Variants in FRAS1 observed in about 807,000 individuals in gnomAD.
The protein encoded by FRAS1 is extracellular matrix organizing protein FRAS1.
Under a neutral mutation model 435.2 loss-of-function variants are expected in FRAS1, and 290 were observed. The ratio of observed to expected loss-of-function variants is 0.67; its 90% CI spans 0.61 to 0.73. FRAS1 has a LOEUF of 0.73. FRAS1 is among the 30% of genes least tolerant of loss of function. FRAS1 has a pLI of 0.00. For synonymous variants in FRAS1, 1,800 were observed against 1,851.0 expected (o/e 0.97, Z 0.71); for missense variants, 4,860 against 5,001.5 (o/e 0.97, Z 0.85).
At chr4:78,419,964 C>A (rs1733707734) in intron 33 of FRAS1, among the ~76,000 whole-genome samples, 1 of 152,196 alleles carries the variant, frequency 6.6e-6, no homozygotes, top group Non-Finnish European at 1.5e-5. Context: ...TTAGAGACTG[C>A]ACCTGTGATC....
chr4:78,288,984 A>G (rs373505979), intron 14 of FRAS1, among the ~76,000 whole-genome samples: 1 of 152,316 alleles, frequency 6.6e-6, no homozygotes, highest in South Asian at 2.1e-4. Context: ...TGGCAGGGTC[A>G]TTTATGTGAT....
At position 78,059,054 on chromosome 4, in the gene FRAS1, T is replaced by C. The variant is rs919237786; in HGVS notation, c.76+969T>C. ...CTTCCCCTCCCGGCTCCATTCATTATTCATCCAGCTGCGGGAAGAAGAGTT... is the reference window on the plus strand; with the variant it reads ...CTTCCCCTCCCGGCTCCATTCATTACTCATCCAGCTGCGGGAAGAAGAGTT... On this transcript the variant is annotated intron_variant, in intron 1 of 73. Transcript: ENST00000512123. Among the ~76,000 whole-genome samples the C allele has an allele frequency of 3.9e-5, 6 of 152,188 alleles. No individual in the cohort carries two copies. The East Asian group carries it at 1.2e-3, about 29-fold the overall frequency.
intron 22 of FRAS1, among the ~76,000 whole-genome samples, chr4:78,367,569 G>C (rs1006005560): frequency 6.6e-6 from 1 of 152,150 alleles, no homozygotes; most frequent in Admixed American, 6.5e-5. Flanking sequence ...AAGAGGACCA[G>C]CTGACCCTTA....
At chr4:78,257,056 T>C (rs1399708020) in intron 6 of FRAS1, among the ~76,000 whole-genome samples, 1 of 152,152 alleles carries the variant, frequency 6.6e-6, no homozygotes, top group Non-Finnish European at 1.5e-5. Flanking sequence ...GGGTGTTTAC[T>C]ATGTGTCAGC....
intron 47 of FRAS1, among the ~76,000 whole-genome samples, chr4:78,454,920 C>T (rs559355835): frequency 1.3e-5 from 2 of 152,320 alleles, no homozygotes; most frequent in African/African-American, 4.8e-5. Flanking sequence ...CATGCTTCTC[C>T]CTCCTCCTGG....
intron 2 of FRAS1, among the ~76,000 whole-genome samples, chr4:78,076,408 C>T (rs1024543640): frequency 2.0e-5 from 3 of 152,118 alleles, no homozygotes; most frequent in Non-Finnish European, 4.4e-5. Flanking sequence ...CTGGTGAGCA[C>T]TTCTCACAAT....
chr4:78,283,042 C>A, intron 12 of FRAS1, 75 bp downstream of exon 12: 1 of 1,155,008 alleles, frequency 8.7e-7, no homozygotes, highest in Non-Finnish European at 1.1e-6. Context: ...TTCCCCACCC[C>A]CTTGCTTCTT....
intron 2 of FRAS1, among the ~76,000 whole-genome samples, chr4:78,221,537 G>T (rs1355791488): frequency 6.6e-6 from 1 of 152,186 alleles, no homozygotes; most frequent in Admixed American, 6.5e-5. Flanking sequence ...AAATAAACCA[G>T]TTGGTATGCC....
At chr4:78,452,568 A>G (rs1240048182) in intron 47 of FRAS1, among the ~76,000 whole-genome samples, 1 of 152,256 alleles carries the variant, frequency 6.6e-6, no homozygotes, top group Non-Finnish European at 1.5e-5. Context: ...TAAAAGTTAC[A>G]TGTAAAATTT....
rs770091700 is a variant in FRAS1 at position 78,511,356 on chromosome 4, C to T, written c.9863C>T (p.Thr3288Ile). 43 of 1,613,814 alleles carry T rather than the reference C, an allele frequency of 2.7e-5. No homozygotes were observed. The highest frequency in any genetic ancestry group is 3.5e-5 in the Non-Finnish European group (41 of 1,179,788). Residue 3288 changes from threonine (T) to isoleucine (I), a missense_variant, in exon 64 of 74, where the codon ACC becomes ATC. By Grantham distance (89) the Thr-to-Ile change is moderately conservative. Coordinates refer to ENST00000512123, the MANE Select transcript of FRAS1 (RefSeq NM_025074.7). The stretch of plus-strand genomic sequence containing the variant: ...GTGGACAAGGTGGGCCATGTGGGGA[C>T]CCCCTTAAGGAGCAACATTGTTACC... ...KAVDKVGHVG[T>I]PLRSNIVTIG...
Position 78,333,350 on chromosome 4 carries a change from T to C in FRAS1, c.2216T>C (p.Leu739Ser). 1 of 1,612,534 alleles carries C rather than the reference T, an allele frequency of 6.2e-7. No individual in the cohort carries two copies. The highest frequency in any genetic ancestry group is 8.5e-7 in the Non-Finnish European group (1 of 1,179,354). Residue 739 changes from leucine to serine, a missense_variant, in exon 19 of 74, where the codon TTG becomes TCG. Coordinates refer to ENST00000512123, the MANE Select transcript of FRAS1 (RefSeq NM_025074.7). ...GACTGTGGGCCTTCCCATGTGCTGTTGGATGGGCAGTGCCTCTCCCAGTGC... is the reference window on the plus strand; with the variant it reads ...GACTGTGGGCCTTCCCATGTGCTGTCGGATGGGCAGTGCCTCTCCCAGTGC... Reference protein sequence around the residue: ...CTDCGPSHVLLDGQCLSQCPD... With the variant: ...CTDCGPSHVLSDGQCLSQCPD...
At chr4:78,376,564 G>A (rs1408033366) in intron 26 of FRAS1, among the ~76,000 whole-genome samples, 2 of 152,090 alleles carry the variant, frequency 1.3e-5, no homozygotes, top group Non-Finnish European at 2.9e-5. Flanking sequence ...TTATGTCAAA[G>A]TGCAGTGGTA....
At chr4:78,252,625 A>G in intron 5 of FRAS1, 74 bp downstream of exon 5, 1 of 1,347,226 alleles carries the variant, frequency 7.4e-7, no homozygotes, top group Non-Finnish European at 1.0e-6. Context: ...ACCAGCCCTC[A>G]ATATTTCAAC....
chr4:78,330,656 C>T (rs1729911009), intron 18 of FRAS1, among the ~76,000 whole-genome samples: 1 of 152,166 alleles, frequency 6.6e-6, no homozygotes, highest in Non-Finnish European at 1.5e-5. Flanking sequence ...GAAATAGACC[C>T]CAGTCTCCCA....
chr4:78,481,950 G>C lies in FRAS1; in HGVS notation c.8590G>C (p.Gly2864Arg). Residue 2864 changes from glycine (G) to arginine (R), a missense_variant, in exon 57 of 74, where the codon GGT (glycine) becomes CGT (arginine). By Grantham distance (125) the Gly-to-Arg change is moderately radical (BLOSUM62 -2). Coordinates refer to ENST00000512123, the MANE Select transcript of FRAS1 (RefSeq NM_025074.7). ...CTCTCGGAAGGTGGAATTTGGGCCT[G>C]GTGTCATTGAACAGGTGCGTTTACA... ...PSSRKVEFGPGVIEQYCTLTI... is the reference protein window; with the variant it reads ...PSSRKVEFGPRVIEQYCTLTI... 2 of 1,613,768 alleles carry C rather than the reference G, an allele frequency of 1.2e-6. No homozygotes were observed. Among genetic ancestry groups the C allele is most frequent in the Non-Finnish European group, 1.7e-6 (2 of 1,179,794 alleles).
At chr4:78,445,451 GT>G in intron 41 of FRAS1, 70 bp from the exon 42 acceptor site, 1 of 1,435,616 alleles carries the variant, frequency 7.0e-7, no homozygotes, top group Middle Eastern at 1.9e-4. Context: ...ATGATACCTT[GT>G]TTTCTAGTTC....
At chr4:78,521,409 A>G in intron 67 of FRAS1, 114 bp from the exon 68 acceptor site, 1 of 651,964 alleles carries the variant, frequency 1.5e-6, no homozygotes, top group Non-Finnish European at 2.7e-6. Context: ...ATCTTGTTAC[A>G]TTCAAATAAA....
intron 32 of FRAS1, among the ~76,000 whole-genome samples, chr4:78,415,627 T>G (rs563710891): frequency 6.6e-6 from 1 of 152,254 alleles, no homozygotes; most frequent in South Asian, 2.1e-4. Context: ...ACGACATATT[T>G]GAAGCATTAC....
chr4:78,448,450 G>C, intron 44 of FRAS1, 134 bp downstream of exon 44: 1 of 797,466 alleles, frequency 1.3e-6, no homozygotes, highest in Non-Finnish European at 1.8e-6. Context: ...GGGGAGATTG[G>C]AGTCTTGGAA....
Sources: gnomAD v4.1 joint callset for allele counts (sites outside exome capture counted in the v4.1 genomes callset) on GRCh38, gnomAD v4.1.1 for gene constraint, MANE v1.5 for transcripts, NCBI Gene and HGNC (gene_info 2026-07-23, HGNC 2026-07-21) for gene names.